EIPR1: variants seen among roughly 807,000 people sequenced by gnomAD.
EIPR1 encodes the protein EARP complex and GARP complex interacting protein 1, also known as EARP and GARP complex-interacting protein 1.
A neutral mutation model predicts 48.1 loss-of-function variants in EIPR1; 25 were observed. The observed-to-expected ratio is 0.52, with a 90% CI of 0.38 to 0.73. The LOEUF (loss-of-function observed/expected upper bound fraction) is 0.73, where lower values mean the gene tolerates loss of function less well. Among genes scored for constraint, EIPR1 ranks in the 30% least tolerant of loss-of-function variants. EIPR1 has a pLI of 0.00. For synonymous variants in EIPR1, 204 were observed against 201.9 expected (o/e 1.01, Z -0.09); for missense variants, 415 against 506.2 (o/e 0.82, Z 1.73).
chr2:3,230,013 A>C (rs1407312875), intron 4 of EIPR1, among the ~76,000 whole-genome samples: 1 of 152,218 alleles, frequency 6.6e-6, no homozygotes, highest in Non-Finnish European at 1.5e-5. Flanking sequence ...TCACATAAGA[A>C]GACAATTCTT....
chr2:3,345,822 C>G (rs1193489328), intron 2 of EIPR1, among the ~76,000 whole-genome samples: 1 of 152,030 alleles, frequency 6.6e-6, no homozygotes, highest in Non-Finnish European at 1.5e-5. Flanking sequence ...CGGGGCACCA[C>G]GCTTATCTTT....
chr2:3,307,258 A>G (rs1668975552), intron 3 of EIPR1, among the ~76,000 whole-genome samples: 1 of 152,116 alleles, frequency 6.6e-6, no homozygotes, highest in East Asian at 1.9e-4. Flanking sequence ...CACTGTGCCC[A>G]GCCCAAATTC....
chr2:3,278,845 G>A (rs949808563), intron 3 of EIPR1, among the ~76,000 whole-genome samples: 2 of 152,152 alleles, frequency 1.3e-5, no homozygotes, highest in African/African-American at 2.4e-5. Context: ...CCTGTGCAGG[G>A]AGGAGGTCAC....
At chr2:3,257,927 G>A (rs1011418192) in intron 3 of EIPR1, among the ~76,000 whole-genome samples, 3 of 152,222 alleles carry the variant, frequency 2.0e-5, no homozygotes, top group Non-Finnish European at 4.4e-5. Flanking sequence ...TGTCACGCAT[G>A]TTATTCTGCC....
At chr2:3,289,577 C>G (rs952592803) in intron 3 of EIPR1, among the ~76,000 whole-genome samples, 1 of 152,076 alleles carries the variant, frequency 6.6e-6, no homozygotes. Context: ...GAGGCATGCC[C>G]AGAGCCATCC....
At chr2:3,266,488 C>T (rs1169195438) in intron 3 of EIPR1, among the ~76,000 whole-genome samples, 8 of 152,226 alleles carry the variant, frequency 5.3e-5, no homozygotes, top group African/African-American at 1.4e-4. Flanking sequence ...CAGATTGCAT[C>T]GCCTGAGTGT....
chr2:3,302,158 A>G (rs1668780933), intron 3 of EIPR1, among the ~76,000 whole-genome samples: 1 of 152,048 alleles, frequency 6.6e-6, no homozygotes, highest in Non-Finnish European at 1.5e-5. Flanking sequence ...CCACCTGAAA[A>G]CTTTCCGGCA....
intron 3 of EIPR1, among the ~76,000 whole-genome samples, chr2:3,266,233 C>G (rs1667482782): frequency 6.6e-6 from 1 of 152,198 alleles, no homozygotes; most frequent in Non-Finnish European, 1.5e-5. Flanking sequence ...TGATCCCCAG[C>G]TGGAGGAGGA....
At chr2:3,342,013 T>C (rs1370518631) in intron 2 of EIPR1, among the ~76,000 whole-genome samples, 2 of 152,204 alleles carry the variant, frequency 1.3e-5, no homozygotes, top group Non-Finnish European at 2.9e-5. Context: ...CAGGGAATTC[T>C]ATGATAGAAT....
At chr2:3,225,222 A>ATGTGTGTGTG (rs61557621) in intron 4 of EIPR1, among the ~76,000 whole-genome samples, 5,856 of 136,942 alleles carry the variant, frequency 0.043, 215 homozygotes, top group South Asian at 0.072. Flanking sequence ...ACACTGTGAT[A>ATGTGTGTGTG]TGTGTGTGTG....
chr2:3,267,855 C>T (rs922857734), intron 3 of EIPR1, among the ~76,000 whole-genome samples: 3 of 152,226 alleles, frequency 2.0e-5, no homozygotes. Flanking sequence ...TACTCTCTGG[C>T]CCTTTAAGGA....
chr2:3,241,755 A>G (rs1666635786), intron 4 of EIPR1, among the ~76,000 whole-genome samples: 1 of 152,168 alleles, frequency 6.6e-6, no homozygotes, highest in South Asian at 2.1e-4. Context: ...GCCCAGATAA[A>G]CTGAAACAAG....
At chr2:3,255,746 C>G (rs930243499) in intron 4 of EIPR1, among the ~76,000 whole-genome samples, 2 of 152,224 alleles carry the variant, frequency 1.3e-5, no homozygotes, top group African/African-American at 4.8e-5. Flanking sequence ...CACTGACCTG[C>G]GCAGAGTCTC....
At chr2:3,369,727 G>T (rs1671064409) in intron 1 of EIPR1, among the ~76,000 whole-genome samples, 1 of 152,250 alleles carries the variant, frequency 6.6e-6, no homozygotes, top group Non-Finnish European at 1.5e-5. Flanking sequence ...AAACAAAGCA[G>T]CCGGGAAGCT....
chr2:3,194,313 G>A (rs563383191), intron 6 of EIPR1, 147 bp from the exon 7 acceptor site: 39 of 914,686 alleles, frequency 4.3e-5, no homozygotes, highest in Non-Finnish European at 6.0e-5. Flanking sequence ...CTGCCCTGCA[G>A]GAAGAGGCTG....
At chr2:3,362,092 G>A (rs933103637) in intron 1 of EIPR1, among the ~76,000 whole-genome samples, 8 of 152,140 alleles carry the variant, frequency 5.3e-5, no homozygotes, top group South Asian at 2.1e-4. Flanking sequence ...CGCACTAAGC[G>A]CCCCTGGGCA....
intron 5 of EIPR1, among the ~76,000 whole-genome samples, chr2:3,202,627 C>G (rs1665087695): frequency 6.6e-6 from 1 of 152,170 alleles, no homozygotes; most frequent in South Asian, 2.1e-4. Context: ...ACCACAGGGC[C>G]ATTCCAGAAG....
At chr2:3,215,461 G>A (rs2103135769) in intron 4 of EIPR1, among the ~76,000 whole-genome samples, 1 of 152,294 alleles carries the variant, frequency 6.6e-6, no homozygotes, top group South Asian at 2.1e-4. Context: ...ATCATCTGCA[G>A]CCAAAGCCAT....
intron 4 of EIPR1, among the ~76,000 whole-genome samples, chr2:3,248,802 G>A (rs1436084662): frequency 6.6e-6 from 1 of 152,042 alleles, no homozygotes; most frequent in Admixed American, 6.6e-5. Flanking sequence ...TAAAAATAAA[G>A]AGTCTGGGAC....
Sources: allele counts gnomAD v4.1 joint callset (sites outside exome capture counted in the v4.1 genomes callset), GRCh38; gene constraint gnomAD v4.1.1; transcripts MANE v1.5; gene names NCBI Gene and HGNC (gene_info 2026-07-23, HGNC 2026-07-21).